ITGA8: variants seen among roughly 807,000 people sequenced by gnomAD.
ITGA8 encodes integrin alpha-8.
In ITGA8, 91 loss-of-function variants were observed where a neutral mutation model predicts 142.3. The ratio of observed to expected loss-of-function variants is 0.64; its 90% CI spans 0.54 to 0.76. The LOEUF (loss-of-function observed/expected upper bound fraction) is 0.76. Among genes scored for constraint, ITGA8 ranks in the 30% least tolerant of loss-of-function variants. ITGA8 has a pLI of 0.00. For synonymous variants in ITGA8, 505 were observed against 485.2 expected (o/e 1.04, Z -0.54); for missense variants, 1,406 against 1,327.7 (o/e 1.06, Z -0.92).
At chr10:15,567,498 C>A (rs1223154470) in intron 25 of ITGA8, among the ~76,000 whole-genome samples, 1 of 152,112 alleles carries the variant, frequency 6.6e-6, no homozygotes, top group Admixed American at 6.6e-5. Context: ...AATAAGGTGC[C>A]ATGTTAAAAT....
intron 23 of ITGA8, among the ~76,000 whole-genome samples, chr10:15,579,411 A>T (rs975333787): frequency 2.6e-5 from 4 of 152,072 alleles, no homozygotes; most frequent in Non-Finnish European, 5.9e-5. Flanking sequence ...GGATATTGAG[A>T]ATAAAGACAG....
chr10:15,601,998 T>C (rs1833112345), intron 20 of ITGA8, among the ~76,000 whole-genome samples: 1 of 152,220 alleles, frequency 6.6e-6, no homozygotes, highest in African/African-American at 2.4e-5. Flanking sequence ...CATTTGAGAT[T>C]GCAGATAATG....
chr10:15,633,911 T>C (rs1380429397), intron 13 of ITGA8, among the ~76,000 whole-genome samples: 2 of 152,242 alleles, frequency 1.3e-5, no homozygotes, highest in Admixed American at 6.5e-5. Flanking sequence ...TGAATACATA[T>C]GGCCTTCGGC....
intron 27 of ITGA8, among the ~76,000 whole-genome samples, chr10:15,535,279 C>A (rs1044191935): frequency 1.3e-5 from 2 of 152,174 alleles, no homozygotes; most frequent in Non-Finnish European, 2.9e-5. Context: ...CCCTGCTCCA[C>A]GGTACCCAGT....
intron 23 of ITGA8, among the ~76,000 whole-genome samples, chr10:15,586,069 T>G (rs1832825241): frequency 6.9e-6 from 1 of 145,094 alleles, no homozygotes; most frequent in Admixed American, 6.9e-5. Context: ...TTTTTTTTTT[T>G]TTTTTTGAGA....
chr10:15,559,553 C>T (rs1035372642), intron 25 of ITGA8, among the ~76,000 whole-genome samples: 8 of 151,982 alleles, frequency 5.3e-5, no homozygotes, highest in Admixed American at 1.3e-4. Flanking sequence ...TATACAAGCC[C>T]AAGGAAAAGA....
At chr10:15,519,953 G>A (rs935605597) in intron 28 of ITGA8, among the ~76,000 whole-genome samples, 2 of 152,118 alleles carry the variant, frequency 1.3e-5, no homozygotes, top group Admixed American at 6.5e-5. Flanking sequence ...TTCACACAAC[G>A]AATTAGTGTC....
intron 28 of ITGA8, among the ~76,000 whole-genome samples, chr10:15,527,905 G>GTTT (rs1833206864): frequency 1.0e-5 from 1 of 97,134 alleles, no homozygotes; most frequent in African/African-American, 5.1e-5. Context: ...TTTCGGCTGG[G>GTTT]CTTTTTTTTT....
intron 10 of ITGA8, 58 bp from the exon 11 acceptor site, chr10:15,655,464 T>A: frequency 1.8e-6 from 2 of 1,119,340 alleles, no homozygotes; most frequent in Non-Finnish European, 2.7e-6. Context: ...TTTGTAGTCA[T>A]GTCTCTATTA....
chr10:15,700,069 G>A (rs532131206), intron 2 of ITGA8, among the ~76,000 whole-genome samples: 6 of 152,062 alleles, frequency 3.9e-5, no homozygotes, highest in Non-Finnish European at 8.8e-5. Context: ...CATAAATGTG[G>A]CAAGTATCAT....
At chr10:15,686,817 C>T (rs144535875) in intron 3 of ITGA8, among the ~76,000 whole-genome samples, 8 of 152,132 alleles carry the variant, frequency 5.3e-5, no homozygotes, top group Non-Finnish European at 1.0e-4. Context: ...ATTATGAACA[C>T]GGTGTATTAT....
At chr10:15,616,608 A>G (rs774650469) in intron 13 of ITGA8, 49 bp from the exon 14 acceptor site, 10 of 1,505,080 alleles carry the variant, frequency 6.6e-6, no homozygotes, top group African/African-American at 5.5e-5. Context: ...TATAGAAACA[A>G]TTTACTAAGT....
chr10:15,527,163 C>T (rs191848563), intron 28 of ITGA8, among the ~76,000 whole-genome samples: 1 of 152,116 alleles, frequency 6.6e-6, no homozygotes, highest in Non-Finnish European at 1.5e-5. Context: ...CTAGCTGAGC[C>T]CACATTTTGA....
chr10:15,523,004 A>T (rs1349098085), intron 28 of ITGA8, among the ~76,000 whole-genome samples: 1 of 150,372 alleles, frequency 6.7e-6, no homozygotes, highest in Admixed American at 6.6e-5. Flanking sequence ...TGACAGAGCC[A>T]GGCTCAGTCT....
At chr10:15,711,508 A>AT (rs1835363545) in intron 2 of ITGA8, among the ~76,000 whole-genome samples, 1 of 151,952 alleles carries the variant, frequency 6.6e-6, no homozygotes, top group South Asian at 2.1e-4. Flanking sequence ...TTATACATTT[A>AT]TTTTATTTAC....
intron 2 of ITGA8, among the ~76,000 whole-genome samples, chr10:15,700,364 C>G (rs564542757): frequency 6.6e-6 from 1 of 152,196 alleles, no homozygotes; most frequent in Non-Finnish European, 1.5e-5. Flanking sequence ...CCTGCAGACA[C>G]ACCAACTTCC....
intron 7 of ITGA8, 94 bp downstream of exon 7, chr10:15,672,530 A>G (rs1297063506): frequency 1.1e-5 from 15 of 1,419,596 alleles, no homozygotes; most frequent in South Asian, 2.9e-5. Flanking sequence ...TAAGATGCCA[A>G]ATAACATCGG....
Position 15,514,543 on chromosome 10 carries a change from C to T in ITGA8, c.*2615G>A, listed in dbSNP as rs1832929063. 1 of 152,230 alleles carries T rather than the reference C, an allele frequency of 6.6e-6. No homozygotes were observed. Among genetic ancestry groups the T allele is most frequent in the African/African-American group, 2.4e-5 (1 of 41,422 alleles). The allele number at this position is 152,230 out of a possible 1,614,324, so 9.4% of individuals were successfully genotyped here. ...TCAGCCTCCTAGGTAGCTGGGATTA[C>T]AGGAGACTGCCACCACGCCCAGCTA... On this transcript the variant is annotated 3_prime_UTR_variant, in exon 30 of 30. Coordinates refer to ENST00000378076, the MANE Select transcript of ITGA8 (RefSeq NM_003638.3).
At chr10:15,535,562 T>C (rs555765789) in intron 27 of ITGA8, among the ~76,000 whole-genome samples, 1 of 152,264 alleles carries the variant, frequency 6.6e-6, no homozygotes, top group South Asian at 2.1e-4. Flanking sequence ...ATCTAGCTTC[T>C]CTGGTGGGGA....
Sources: gnomAD v4.1 joint callset for allele counts (sites outside exome capture counted in the v4.1 genomes callset) on GRCh38, gnomAD v4.1.1 for gene constraint, MANE v1.5 for transcripts, NCBI Gene and HGNC (gene_info 2026-07-23, HGNC 2026-07-21) for gene names.